VRK1: variants seen among roughly 807,000 people sequenced by gnomAD.
VRK1 encodes serine/threonine-protein kinase VRK1.
VRK1 carries 33 observed loss-of-function variants against 57.1 expected under a neutral mutation model. The ratio of observed to expected loss-of-function variants is 0.58; its 90% CI spans 0.44 to 0.77. The LOEUF is 0.77. Ranked by LOEUF, VRK1 falls within the 30% of genes least tolerant of loss-of-function variation. VRK1 has a pLI of 0.00. For synonymous variants in VRK1, 137 were observed against 147.8 expected (o/e 0.93, Z 0.53); for missense variants, 413 against 477.3 (o/e 0.87, Z 1.25).
intron 3 of VRK1, among the ~76,000 whole-genome samples, chr14:96,838,500 T>C (rs970861359): frequency 2.6e-5 from 4 of 152,220 alleles, no homozygotes; most frequent in Non-Finnish European, 5.9e-5. Context: ...GAATATGTTT[T>C]GGTTAAATAG....
At chr14:96,855,821 A>T (rs569582575) in intron 8 of VRK1, among the ~76,000 whole-genome samples, 1 of 152,312 alleles carries the variant, frequency 6.6e-6, no homozygotes, top group Admixed American at 6.5e-5. Flanking sequence ...GCATATAAAA[A>T]TTTTAAGAAT....
rs1566703776 is a variant in VRK1, at chr14:96,846,116, CTT to C, written c.242_243del (p.Phe81TyrfsTer2). The C allele has an allele frequency of 1.9e-6, 3 of 1,613,310 alleles. No individual in the cohort carries two copies. The African/African-American group carries it at 4.0e-5, about 22-fold the overall frequency. On this transcript the variant is annotated frameshift_variant, in exon 4 of 13. Coordinates refer to ENST00000216639, the MANE Select transcript of VRK1 (RefSeq NM_003384.3). LOFTEE classifies it high-confidence loss of function. ...VKVEPSDNGP[L>X]FTELKFYQRA... ...TAAGGAACCCAGTGACAATGGACCTCTTTTTACTGAATTAAAGTTCTACCAAC... is the reference window on the plus strand; with the variant it reads ...TAAGGAACCCAGTGACAATGGACCTCTTTACTGAATTAAAGTTCTACCAAC...
chr14:96,878,289 C>T (rs990279395), intron 12 of VRK1, among the ~76,000 whole-genome samples: 1 of 152,034 alleles, frequency 6.6e-6, no homozygotes, highest in African/African-American at 2.4e-5. Context: ...AAGGAAAAGA[C>T]ACATTATTAC....
intron 1 of VRK1, among the ~76,000 whole-genome samples, chr14:96,825,512 T>C (rs78162217): frequency 0.011 from 1,625 of 152,320 alleles, 22 homozygotes; most frequent in South Asian, 0.055. Flanking sequence ...CTACAATGTA[T>C]TGTGACTAAG....
chr14:96,834,674 A>T (rs1396333208), intron 2 of VRK1, among the ~76,000 whole-genome samples: 1 of 152,146 alleles, frequency 6.6e-6, no homozygotes, highest in East Asian at 1.9e-4. Flanking sequence ...ATCATATTTT[A>T]TGCATATGAT....
chr14:96,816,135 G>A (rs1235108982), intron 1 of VRK1, among the ~76,000 whole-genome samples: 1 of 152,060 alleles, frequency 6.6e-6, no homozygotes, highest in East Asian at 1.9e-4. Flanking sequence ...CATTGAAGGG[G>A]CCCCCGTTGT....
chr14:96,838,611 A>G (rs1361221033), intron 3 of VRK1, among the ~76,000 whole-genome samples: 1 of 152,194 alleles, frequency 6.6e-6, no homozygotes, highest in African/African-American at 2.4e-5. Flanking sequence ...GAGGGACAGA[A>G]CTAATGGGAT....
At chr14:96,821,450 A>G (rs1886593323) in intron 1 of VRK1, among the ~76,000 whole-genome samples, 1 of 152,156 alleles carries the variant, frequency 6.6e-6, no homozygotes, top group East Asian at 1.9e-4. Flanking sequence ...AAAAAACAAA[A>G]CAAAACAAAA....
At chr14:96,798,356 G>A (rs1029855788) in intron 1 of VRK1, among the ~76,000 whole-genome samples, 1 of 152,168 alleles carries the variant, frequency 6.6e-6, no homozygotes, top group African/African-American at 2.4e-5. Flanking sequence ...CAGCAGCAGA[G>A]TCAGACACTA....
chr14:96,877,176 T>C (rs1284307121), intron 12 of VRK1, among the ~76,000 whole-genome samples: 1 of 152,168 alleles, frequency 6.6e-6, no homozygotes, highest in South Asian at 2.1e-4. Context: ...AGGTGCCATA[T>C]TGAGTAATGC....
At chr14:96,831,901 A>G (rs1265891842) in intron 1 of VRK1, among the ~76,000 whole-genome samples, 2 of 152,200 alleles carry the variant, frequency 1.3e-5, no homozygotes, top group Non-Finnish European at 2.9e-5. Context: ...CCATAGGTGT[A>G]AAAGTAACCT....
At chr14:96,851,944 C>T (rs967070206) in intron 5 of VRK1, among the ~76,000 whole-genome samples, 1 of 152,290 alleles carries the variant, frequency 6.6e-6, no homozygotes, top group Admixed American at 6.5e-5. Context: ...TGGAGATGTC[C>T]TGATACATTC....
In VRK1 at chr14:96,853,108, A is replaced by G; in HGVS notation, c.518A>G (p.Tyr173Cys). The change falls in exon 7 of 13, where the codon TAT (tyrosine) becomes TGT (cysteine). Residue 173 changes from tyrosine (Y) to cysteine (C), a missense_variant. Transcript: ENST00000216639. The stretch of plus-strand genomic sequence containing the variant: ...CTGGAATATATTCACGAGCATGAGT[A>G]TGTGCATGGAGATATCAAGGCCTCA... ...DILEYIHEHE[Y>C]VHGDIKASNL... 3 of 1,613,898 alleles carry G rather than the reference A, an allele frequency of 1.9e-6. No homozygotes were observed. Among genetic ancestry groups the G allele is most frequent in the South Asian group, 1.1e-5 (1 of 91,082 alleles).
At chr14:96,868,564 G>A (rs1190944514) in intron 11 of VRK1, among the ~76,000 whole-genome samples, 2 of 152,010 alleles carry the variant, frequency 1.3e-5, no homozygotes, top group Non-Finnish European at 2.9e-5. Context: ...TTGCATGTGG[G>A]CAGTGATGCA....
chr14:96,860,004 T>G (rs1888320758), intron 10 of VRK1, among the ~76,000 whole-genome samples: 1 of 152,164 alleles, frequency 6.6e-6, no homozygotes, highest in Admixed American at 6.5e-5. Context: ...TTTTTTATGG[T>G]GTGGTTCTGT....
chr14:96,841,006 C>G (rs557546005), intron 3 of VRK1, among the ~76,000 whole-genome samples: 1 of 152,054 alleles, frequency 6.6e-6, no homozygotes, highest in East Asian at 1.9e-4. Context: ...AAGGCACGCA[C>G]CACCATGCCC....
At chr14:96,857,138 TC>T (rs1888194245) in intron 10 of VRK1, among the ~76,000 whole-genome samples, 1 of 152,144 alleles carries the variant, frequency 6.6e-6, no homozygotes, top group Admixed American at 6.6e-5. Flanking sequence ...AAAACAAATA[TC>T]CCTGCCCTCA....
At chr14:96,817,321 A>C (rs1337892219) in intron 1 of VRK1, among the ~76,000 whole-genome samples, 4 of 151,830 alleles carry the variant, frequency 2.6e-5, no homozygotes, top group Non-Finnish European at 5.9e-5. Context: ...GCCTTTAGTC[A>C]TATGTTTTGC....
rs761494436 is a variant in VRK1, at chr14:96,860,611, C to A, written c.944C>A (p.Pro315His). ...TVKLLDYTEK[P>H]LYENLRDILL... is the part of the protein sequence containing the mutation. ...AAATTACTAGACTACACTGAAAAACCTCTTTATGAAAATTTACGTGACATT... is the reference window on the plus strand; with the variant it reads ...AAATTACTAGACTACACTGAAAAACATCTTTATGAAAATTTACGTGACATT... Residue 315 changes from proline (P) to histidine (H), a missense_variant, in exon 11 of 13, where the codon CCT becomes CAT. Pro to His is a moderately conservative substitution (Grantham distance 77). Around this residue, in one of 3 missense-constraint regions of VRK1, gnomAD observed 146 missense variants for 138.2 expected, o/e 1.06. Transcript: ENST00000216639. 2 of 1,612,942 alleles carry A rather than the reference C, an allele frequency of 1.2e-6. No individual in the cohort carries two copies. The highest frequency in any genetic ancestry group is 1.7e-6 in the Non-Finnish European group (2 of 1,179,380).
Sources: gnomAD v4.1 joint callset for allele counts (sites outside exome capture counted in the v4.1 genomes callset) on GRCh38, gnomAD v4.1.1 for gene constraint, gnomAD v4.1.1 regional missense constraint, MANE v1.5 for transcripts, NCBI Gene and HGNC (gene_info 2026-07-23, HGNC 2026-07-21) for gene names.